MUC5B: variants seen among roughly 807,000 people sequenced by gnomAD.
MUC5B encodes the protein mucin-5B.
Under a neutral mutation model 376.9 loss-of-function variants are expected in MUC5B, and 116 were observed. The observed-to-expected ratio is 0.31, with a 90% CI of 0.26 to 0.36. The LOEUF (loss-of-function observed/expected upper bound fraction) is 0.36. Among genes scored for constraint, MUC5B ranks in the 10% least tolerant of loss-of-function variants. The probability of loss-of-function intolerance (pLI) is 1.00; values close to 1 mark genes in which losing one functional copy is unlikely to be tolerated. For synonymous variants in MUC5B, 3,517 were observed against 3,390.9 expected, an observed-to-expected ratio of 1.04 and a Z score of -1.29; for missense variants, 7,165 against 7,769.9, an observed-to-expected ratio of 0.92 and a Z score of 2.93.
Position 1,255,117 on chromosome 11 carries a change from C to A in MUC5B, c.15741C>A (p.Ala5247=), listed in dbSNP as rs900201069. ...CTGCCGCCAGTTGCAAGGACATGGC[C>A]AAGACGTGGCTGGTCCCCGACAGCA... ...GTTAASCKDM[A]KTWLVPDSRK... The change falls in exon 36 of 49, where the codon GCC becomes GCA. Residue 5247 remains alanine (A), a synonymous_variant. Coordinates refer to ENST00000529681, the MANE Select transcript of MUC5B (RefSeq NM_002458.3). The A allele has an allele frequency of 5.0e-6, 8 of 1,584,320 alleles. No individual in the cohort carries two copies. Among genetic ancestry groups the A allele is most frequent in the Non-Finnish European group, 6.9e-6 (8 of 1,166,520 alleles).
In MUC5B at chr11:1,259,743, C is replaced by T; in HGVS notation, c.16714-13C>T. ...GAGAGGGTTAGGGCCTGACGCCCCT[C>T]ATGTCCCCACAGGGCTTTGAGTACA... On this transcript the variant is annotated splice_polypyrimidine_tract_variant and intron_variant, in intron 44 of 48. Transcript: ENST00000529681. 3 of 1,612,122 alleles carry T rather than the reference C, an allele frequency of 1.9e-6. No homozygotes were observed. Among genetic ancestry groups the T allele is most frequent in the Non-Finnish European group, 2.5e-6 (3 of 1,179,504 alleles).
In MUC5B at chr11:1,246,001, T is replaced by G. The variant is rs199966896; in HGVS notation, c.9121T>G (p.Ser3041Ala). 6.3e-7 allele frequency: 1 copy of G among 1,594,170 alleles called. No individual in the cohort carries two copies. Among genetic ancestry groups the G allele is most frequent in the Non-Finnish European group, 8.5e-7 (1 of 1,171,912 alleles). Residue 3041 changes from serine to alanine, a missense_variant, in exon 31 of 49, where the codon TCC (serine) becomes GCC (alanine). Coordinates refer to ENST00000529681, the MANE Select transcript of MUC5B (RefSeq NM_002458.3). ...CACAGCCACCAGTTCCAAAGCCACT[T>G]CCTCCTCCAGTCCAAGGACTGCAAC... ...TPTATSSKAT[S>A]SSSPRTATTL...
intron 17 of MUC5B, 24 bp from the exon 18 acceptor site, chr11:1,232,988 TC>T (rs752480740): frequency 5.2e-6 from 8 of 1,547,490 alleles, no homozygotes; most frequent in South Asian, 2.3e-5. Context: ...CGCTGACCTG[TC>T]CCCCCTGGCC....
In MUC5B at chr11:1,242,039, C is replaced by G; in HGVS notation, c.5159C>G (p.Thr1720Arg). ...RPSQPPTLAP[T>R]TMATSRARPT... ...TCACAGCCACCCACGCTGGCCCCAA[C>G]AACAATGGCAACCTCCAGAGCTCGC... Residue 1720 changes from threonine to arginine, a missense_variant, in exon 31 of 49, where the codon ACA (threonine) becomes AGA (arginine). Physicochemically the swap from Thr to Arg is moderately conservative, Grantham distance 71. Transcript: ENST00000529681. 1 of 1,591,422 alleles carries G rather than the reference C, an allele frequency of 6.3e-7. No individual in the cohort carries two copies. The highest frequency in any genetic ancestry group is 2.3e-5 in the East Asian group (1 of 43,290).
Position 1,230,110 on chromosome 11 carries a change from C to A in MUC5B, c.1326C>A (p.Asp442Glu). 1 of 1,611,924 alleles carries A rather than the reference C, an allele frequency of 6.2e-7. No individual in the cohort carries two copies. The highest frequency in any genetic ancestry group is 8.5e-7 in the Non-Finnish European group (1 of 1,179,284). The change falls in exon 11 of 49, where the codon GAC becomes GAA. Residue 442 changes from aspartate to glutamate, a missense_variant. Coordinates refer to ENST00000529681, the MANE Select transcript of MUC5B (RefSeq NM_002458.3). Reference protein sequence around the residue: ...HISTYDEKLYDLHGDCSYVLS... With the variant: ...HISTYDEKLYELHGDCSYVLS... ...CCACCTATGATGAGAAACTCTACGACCTGCATGGTGACTGCAGCTACGTTC... is the reference window on the plus strand; with the variant it reads ...CCACCTATGATGAGAAACTCTACGAACTGCATGGTGACTGCAGCTACGTTC...
chr11:1,261,001 G>A (rs751229417), intron 48 of MUC5B, among the ~76,000 whole-genome samples: 2 of 152,256 alleles, frequency 1.3e-5, no homozygotes, highest in Non-Finnish European at 2.9e-5. Context: ...CCTGGGGAGG[G>A]TGGGTGGAAC....
Position 1,241,709 on chromosome 11 carries a change from C to A in MUC5B, c.4829C>A (p.Pro1610Gln). The change falls in exon 31 of 49, where the codon CCG (proline) becomes CAG (glutamine). Residue 1610 changes from proline to glutamine, a missense_variant. Around this residue, in one of 31 missense-constraint regions of MUC5B, gnomAD observed 897 missense variants for 779.6 expected, o/e 1.15. Transcript: ENST00000529681. Reference sequence around the variant, plus strand: ...CACTGCAGGGGACGTGCCACAACCCCGCCACCGACCACAGAGCTGGAGACG... The same window carrying A: ...CACTGCAGGGGACGTGCCACAACCCAGCCACCGACCACAGAGCTGGAGACG... ...DDHCRGRATTPPPTTELETAT... is the reference protein window; with the variant it reads ...DDHCRGRATTQPPTTELETAT... 6.2e-7 allele frequency: 1 copy of A among 1,612,322 alleles called. No homozygotes were observed. The highest frequency in any genetic ancestry group is 2.2e-5 in the East Asian group (1 of 44,818).
intron 3 of MUC5B, 140 bp from the exon 4 acceptor site, chr11:1,226,475 G>C: frequency 7.5e-7 from 1 of 1,341,960 alleles, no homozygotes; most frequent in Non-Finnish European, 1.0e-6. Context: ...AACAGACGCA[G>C]TCCAGGGTGA....
rs376094119 is a variant in MUC5B, at chr11:1,260,691, A to G, written c.17032A>G (p.Ile5678Val). 8.1e-6 allele frequency: 13 copies of G among 1,612,298 alleles called. No homozygotes were observed. The highest frequency in any genetic ancestry group is 1.3e-5 in the African/African-American group (1 of 74,936). ...WHQGCETEVN[I>V]TFCEGSCPGA... Reference sequence around the variant, plus strand: ...CCAGGGCTGCGAGACCGAGGTCAACATCACCTTCTGCGAGGGCTCCTGCCC... The same window carrying G: ...CCAGGGCTGCGAGACCGAGGTCAACGTCACCTTCTGCGAGGGCTCCTGCCC... Residue 5678 changes from isoleucine (I) to valine (V), a missense_variant, in exon 48 of 49, where the codon ATC (isoleucine) becomes GTC (valine). By Grantham distance (29) the Ile-to-Val change is conservative. Transcript: ENST00000529681.
At position 1,234,758 on chromosome 11, in the gene MUC5B, A is replaced by G. The variant is rs1318041597; in HGVS notation, c.2630+78A>G. ...GGCAGCGGGTGGGGAGGCAGCGGGC[A>G]GGGAGGGCAGGGGGCGGGGAGGGCA... is the stretch of plus-strand genomic sequence containing the variant. On this transcript the variant is annotated intron_variant, in intron 21 of 48. Transcript: ENST00000529681. The surrounding 1 kb of genome is among the most constrained non-coding windows in gnomAD (Gnocchi z 6.3). The G allele has an allele frequency of 9.1e-4, 54 of 59,120 alleles. No individual in the cohort carries two copies. Among genetic ancestry groups the G allele is most frequent in the Middle Eastern group, 5.0e-3 (1 of 202 alleles). 3.7% of individuals were successfully genotyped at this position (59,120 alleles called of 1,614,324 possible). A position where few individuals can be genotyped will look rare whatever the true frequency, so the allele number is the denominator to read the frequency against.
In MUC5B at chr11:1,245,255, C is replaced by T; in HGVS notation, c.8375C>T (p.Ser2792Phe). Reference protein sequence around the residue: ...THITEPSTGTSHTPAATTGTT... With the variant: ...THITEPSTGTFHTPAATTGTT... ...ATCACAGAGCCTTCCACGGGGACTT[C>T]CCACACCCCAGCAGCAACCACCGGT... Residue 2792 changes from serine to phenylalanine, a missense_variant, in exon 31 of 49, where the codon TCC becomes TTC. Physicochemically the swap from Ser to Phe is radical, Grantham distance 155. Transcript: ENST00000529681. 3 of 1,598,388 alleles carry T rather than the reference C, an allele frequency of 1.9e-6. No individual in the cohort carries two copies. The highest frequency in any genetic ancestry group is 2.6e-6 in the Non-Finnish European group (3 of 1,174,312).
At position 1,257,746 on chromosome 11, in the gene MUC5B, G is replaced by A. The variant is rs1440622415; in HGVS notation, c.16450+36G>A. ...GCAGAGCAGAGGTGCCCGGCATAGG[G>A]TGAGGGGGGACAGAGCCGGTGCCCA... is the stretch of plus-strand genomic sequence containing the variant. On this transcript the variant is annotated intron_variant, in intron 41 of 48. Coordinates refer to ENST00000529681, the MANE Select transcript of MUC5B (RefSeq NM_002458.3). The surrounding 1 kb of genome is among the most constrained non-coding windows in gnomAD (Gnocchi z 8.9). 6.6e-7 allele frequency: 1 copy of A among 1,515,590 alleles called. No individual in the cohort carries two copies. Among genetic ancestry groups the A allele is most frequent in the South Asian group, 1.2e-5 (1 of 81,766 alleles). 93.9% of individuals were successfully genotyped at this position (1,515,590 alleles called of 1,614,324 possible).
chr11:1,250,536 C>A lies in MUC5B; in HGVS notation c.13656C>A (p.Pro4552=). 6.2e-7 allele frequency: 1 copy of A among 1,613,182 alleles called. No homozygotes were observed. Among genetic ancestry groups the A allele is most frequent in the East Asian group, 2.2e-5 (1 of 44,852 alleles). ...CGGCCACCATGTCCACAGCCACACC[C>A]TCCTCCACTCCAGAGACTGTCCACA... ...TPTATMSTAT[P]SSTPETVHTS... Residue 4552 remains proline, a synonymous_variant, in exon 31 of 49, where the codon CCC becomes CCA. Coordinates refer to ENST00000529681, the MANE Select transcript of MUC5B (RefSeq NM_002458.3).
intron 7 of MUC5B, 54 bp from the exon 8 acceptor site, chr11:1,228,510 T>C: frequency 6.9e-7 from 1 of 1,447,478 alleles, no homozygotes; most frequent in Non-Finnish European, 9.2e-7. Context: ...TCCAGCACCG[T>C]GGCAGCCCCC....
At position 1,253,217 on chromosome 11, in the gene MUC5B, G is replaced by A. The variant is rs1862751201; in HGVS notation, c.15217+237G>A. Among the ~76,000 whole-genome samples, 1 of 152,092 alleles carries A rather than the reference G, an allele frequency of 6.6e-6. No homozygotes were observed. The highest frequency in any genetic ancestry group is 2.4e-5 in the African/African-American group (1 of 41,398). ...AAACCATCATGCACCATGCTGTCTT[G>A]GGCCTCAGTGGTGCACGTCGTGAGA... is the stretch of plus-strand genomic sequence containing the variant. On this transcript the variant is annotated intron_variant, in intron 33 of 48. Transcript: ENST00000529681. The surrounding 1 kb of genome is among the most constrained non-coding windows in gnomAD (Gnocchi z 4.3).
At chr11:1,260,594 T>C (rs1293250048) in intron 47 of MUC5B, 32 bp from the exon 48 acceptor site, 3 of 1,581,080 alleles carry the variant, frequency 1.9e-6, no homozygotes, top group Middle Eastern at 3.3e-4. Context: ...GAGGGTCCAG[T>C]GGGGCTCCAC....
intron 18 of MUC5B, 89 bp downstream of exon 18, chr11:1,233,357 G>A: frequency 2.9e-6 from 4 of 1,391,610 alleles, no homozygotes; most frequent in Non-Finnish European, 3.8e-6. Flanking sequence ...TCCCCCCGAG[G>A]GTTCTGAGAC....
chr11:1,235,689 G>C (rs1476241498), intron 23 of MUC5B, among the ~76,000 whole-genome samples: 1 of 152,190 alleles, frequency 6.6e-6, no homozygotes, highest in Admixed American at 6.5e-5. Flanking sequence ...CAGGCGGCAG[G>C]CGTCCCTGGG....
In MUC5B at chr11:1,227,661, T is replaced by C; in HGVS notation, c.668-14T>C. The C allele has an allele frequency of 1.4e-6, 1 of 717,908 alleles. No individual in the cohort carries two copies. Among genetic ancestry groups the C allele is most frequent in the East Asian group, 2.7e-5 (1 of 37,316 alleles). The allele number at this position is 717,908 out of a possible 1,614,324, so 44.5% of individuals were successfully genotyped here. On this transcript the variant is annotated splice_polypyrimidine_tract_variant and intron_variant, in intron 6 of 48. Transcript: ENST00000529681. ...CCCCTCAGAGCCACCACACCCCTGC[T>C]TTCTTCCCGGCAGACGCCAGGCTGA...
Sources: gnomAD v4.1 joint callset for allele counts (sites outside exome capture counted in the v4.1 genomes callset) on GRCh38, gnomAD v4.1.1 for gene constraint, gnomAD v4.1.1 regional missense constraint, Gnocchi (gnomAD v3.1) non-coding constraint, MANE v1.5 for transcripts, NCBI Gene and HGNC (gene_info 2026-07-23, HGNC 2026-07-21) for gene names.